BORCS5: variants seen among roughly 807,000 people sequenced by gnomAD.
BORCS5 encodes BLOC-1-related complex subunit 5.
Under a neutral mutation model 22.1 loss-of-function variants are expected in BORCS5, and 17 were observed. The observed-to-expected ratio is 0.77, with a 90% CI of 0.53 to 1.15. The LOEUF is 1.15. BORCS5 is among the 50% of genes most tolerant of loss of function. BORCS5 has a pLI of 0.00. For synonymous variants in BORCS5, 117 were observed against 99.8 expected (o/e 1.17, Z -1.03); for missense variants, 247 against 253.2 (o/e 0.98, Z 0.17).
At chr12:12,409,103 T>C (rs745389393) in intron 2 of BORCS5, among the ~76,000 whole-genome samples, 1 of 141,242 alleles carries the variant, frequency 7.1e-6, no homozygotes, top group East Asian at 1.9e-4. Context: ...TTTTTTTTTG[T>C]TTGTTTTTGA....
chr12:12,431,442 C>T (rs559818178), intron 2 of BORCS5, among the ~76,000 whole-genome samples: 3 of 124,348 alleles, frequency 2.4e-5, no homozygotes, highest in Admixed American at 9.9e-5. Context: ...CTTGCTCTGT[C>T]GGCAGGCTGG....
At position 12,438,371 on chromosome 12, in the gene BORCS5, A is replaced by AAAAAAAAACAAAAAAAAAC. The variant is rs1942603166; in HGVS notation, c.360+2594_360+2595insCAAAAAAAAACAAAAAAAA. On this transcript the variant is annotated intron_variant, in intron 3 of 3. Coordinates refer to ENST00000314565, the MANE Select transcript of BORCS5 (RefSeq NM_058169.6). Reference sequence around the variant, plus strand: ...GCCAGATTTCATCTCAAAAAAAAAAAAAAAAAAAACGAAAAACAACAACAA... The same window carrying AAAAAAAAACAAAAAAAAAC: ...GCCAGATTTCATCTCAAAAAAAAAAAAAAAAAAACAAAAAAAAACAAAAAAAAACGAAAAACAACAACAA... Among the ~76,000 whole-genome samples the AAAAAAAAACAAAAAAAAAC allele has an allele frequency of 2.6e-5, 3 of 117,054 alleles. 1 individual carries two copies. The highest frequency in any genetic ancestry group is 1.3e-4 in the African/African-American group (3 of 22,344). 76.8% of individuals were successfully genotyped at this position (117,054 alleles called of 152,430 possible). A position where few individuals can be genotyped will look rare whatever the true frequency, so the allele number is the denominator to read the frequency against.
chr12:12,368,371 C>A (rs988543192), intron 2 of BORCS5, among the ~76,000 whole-genome samples: 1 of 151,766 alleles, frequency 6.6e-6, no homozygotes, highest in Non-Finnish European at 1.5e-5. Flanking sequence ...GATTCTAAGG[C>A]GCTTTAAGTA....
chr12:12,386,252 C>T (rs930706200), intron 2 of BORCS5, among the ~76,000 whole-genome samples: 8 of 151,206 alleles, frequency 5.3e-5, no homozygotes, highest in Non-Finnish European at 7.4e-5. Context: ...CCACCTGCCT[C>T]GGCCTCCCAA....
At chr12:12,379,177 A>G (rs1049072502) in intron 2 of BORCS5, among the ~76,000 whole-genome samples, 1 of 146,152 alleles carries the variant, frequency 6.8e-6, no homozygotes, top group Non-Finnish European at 1.5e-5. Context: ...TTGGAGTGCA[A>G]TGGAGCGATC....
At chr12:12,402,757 A>G (rs1220841763) in intron 2 of BORCS5, among the ~76,000 whole-genome samples, 2 of 152,250 alleles carry the variant, frequency 1.3e-5, no homozygotes, top group African/African-American at 4.8e-5. Flanking sequence ...CTCCCTAAAA[A>G]TAATTCCAGA....
chr12:12,412,907 T>TC (rs1941777222), intron 2 of BORCS5, among the ~76,000 whole-genome samples: 1 of 137,692 alleles, frequency 7.3e-6, no homozygotes, highest in East Asian at 2.1e-4. Flanking sequence ...TTTCTTTTTT[T>TC]TTTTTTTTTT....
At chr12:12,378,279 G>C (rs762230433) in intron 2 of BORCS5, among the ~76,000 whole-genome samples, 5 of 152,122 alleles carry the variant, frequency 3.3e-5, no homozygotes, top group Non-Finnish European at 7.4e-5. Flanking sequence ...GGCTGAGGCA[G>C]GACAATCGCT....
intron 2 of BORCS5, among the ~76,000 whole-genome samples, chr12:12,380,656 T>G (rs964917389): frequency 5.3e-5 from 8 of 151,540 alleles, no homozygotes; most frequent in Admixed American, 2.6e-4. Context: ...TGGTAGGTTG[T>G]ATGGTAACTT....
chr12:12,362,636 C>CTTTTTTTTTTTTTTTTTTTTT (rs71436712), intron 2 of BORCS5, among the ~76,000 whole-genome samples: 2 of 57,554 alleles, frequency 3.5e-5, no homozygotes, highest in African/African-American at 1.1e-4. Flanking sequence ...TGTTACTCAT[C>CTTTTTTTTTTTTTTTTTTTTT]TTTTTTTTTT....
rs531519063 is a variant in BORCS5, at chr12:12,468,226, T to C, written c.*2450T>C. On this transcript the variant is annotated 3_prime_UTR_variant, in exon 4 of 4. Coordinates refer to ENST00000314565, the MANE Select transcript of BORCS5 (RefSeq NM_058169.6). The stretch of plus-strand genomic sequence containing the variant: ...TCCTCTCTTTCTACATCATTCCTAG[T>C]GGTTCTTTTCTGATGGAACCTCTGA... 2 of 152,246 alleles carry C rather than the reference T, an allele frequency of 1.3e-5. No homozygotes were observed. The highest frequency in any genetic ancestry group is 2.9e-5 in the Non-Finnish European group (2 of 68,050). 9.4% of individuals were successfully genotyped at this position (152,246 alleles called of 1,614,324 possible).
rs143576415 is a variant in BORCS5, at chr12:12,389,833, A to G, written c.202+28484A>G. Among the ~76,000 whole-genome samples, 685 of 151,984 alleles carry G rather than the reference A, an allele frequency of 4.5e-3. 11 individuals carry two copies. Among genetic ancestry groups the G allele is most frequent in the African/African-American group, 0.015 (641 of 41,398 alleles). ...TAATTTTTGTATTTTTAGTAGAGAC[A>G]GGGTTTTGCCATGTTGGCCAGGCTT... On this transcript the variant is annotated intron_variant, in intron 2 of 3. Transcript: ENST00000314565.
At chr12:12,461,183 C>T (rs1004385542) in intron 3 of BORCS5, among the ~76,000 whole-genome samples, 19 of 150,010 alleles carry the variant, frequency 1.3e-4, no homozygotes, top group African/African-American at 4.7e-4. Context: ...TTTTTTTCCC[C>T]CTGGGATAGG....
At chr12:12,433,062 A>G (rs6488526) in intron 2 of BORCS5, among the ~76,000 whole-genome samples, 94,080 of 151,392 alleles carry the variant, frequency 0.62, 30,355 homozygotes, top group African/African-American at 0.79. Context: ...GGCTGGGCAC[A>G]GTGGCTCATG....
At chr12:12,460,054 C>A (rs577503884) in intron 3 of BORCS5, among the ~76,000 whole-genome samples, 166 of 152,268 alleles carry the variant, frequency 1.1e-3, no homozygotes, top group African/African-American at 3.9e-3. Flanking sequence ...AAAACAATGC[C>A]TTCTAGACTT....
intron 3 of BORCS5, among the ~76,000 whole-genome samples, chr12:12,443,990 G>C (rs531355869): frequency 3.9e-5 from 6 of 152,336 alleles, no homozygotes; most frequent in African/African-American, 1.4e-4. Context: ...CTGGGTTATG[G>C]AAATGAAACC....
intron 3 of BORCS5, among the ~76,000 whole-genome samples, chr12:12,462,755 C>G (rs2136162647): frequency 6.6e-6 from 1 of 152,254 alleles, no homozygotes; most frequent in Admixed American, 6.5e-5. Context: ...CTCCTGGGTT[C>G]AAACGATTCT....
intron 2 of BORCS5, among the ~76,000 whole-genome samples, chr12:12,367,713 C>G (rs2136023833): frequency 6.6e-6 from 1 of 152,338 alleles, no homozygotes; most frequent in Non-Finnish European, 1.5e-5. Context: ...CATCTTTTCC[C>G]TTACTCCCAT....
At chr12:12,433,608 A>C (rs931262802) in intron 2 of BORCS5, among the ~76,000 whole-genome samples, 8 of 152,210 alleles carry the variant, frequency 5.3e-5, no homozygotes, top group Non-Finnish European at 1.2e-4. Context: ...GGGACACGGG[A>C]TCCTATACAT....
Sources: gnomAD v4.1 joint callset for allele counts (sites outside exome capture counted in the v4.1 genomes callset) on GRCh38, gnomAD v4.1.1 for gene constraint, MANE v1.5 for transcripts, NCBI Gene and HGNC (gene_info 2026-07-23, HGNC 2026-07-21) for gene names.